GUSB: variants seen among roughly 807,000 people sequenced by gnomAD.
GUSB encodes glucuronidase beta, also known as beta-glucuronidase.
GUSB carries 51 observed loss-of-function variants against 74.6 expected under a neutral mutation model. The ratio of observed to expected loss-of-function variants is 0.68; its 90% confidence interval spans 0.55 to 0.86. GUSB has a LOEUF of 0.86. GUSB is among the 40% of genes least tolerant of loss of function. GUSB has a pLI of 0.00. For synonymous variants in GUSB, 360 were observed against 348.3 expected, an observed-to-expected ratio of 1.03 and a Z score of -0.37; for missense variants, 736 against 853.7, an observed-to-expected ratio of 0.86 and a Z score of 1.72.
chr7:65,967,493 G>A (rs547352570), intron 10 of GUSB, among the ~76,000 whole-genome samples: 107 of 152,254 alleles, frequency 7.0e-4, no homozygotes, highest in African/African-American at 2.5e-3. Flanking sequence ...AGACCACTTG[G>A]GCACGGGTGA....
In GUSB at chr7:65,979,874, C is replaced by G. The variant is rs920626481; in HGVS notation, c.434G>C (p.Gly145Ala). The G allele has an allele frequency of 1.9e-6, 3 of 1,611,530 alleles. No homozygotes were observed. Among genetic ancestry groups the G allele is most frequent in the Non-Finnish European group, 1.7e-6 (2 of 1,179,404 alleles). ...GATGTCGGCCTCGAAGGGGAGGTAGCCCCCCTCATGCTCTAGCGTGTCGAC... is the reference window on the plus strand; with the variant it reads ...GATGTCGGCCTCGAAGGGGAGGTAGGCCCCCTCATGCTCTAGCGTGTCGAC... ...NGVDTLEHEGGYLPFEADISN... is the reference protein window; with the variant it reads ...NGVDTLEHEGAYLPFEADISN... The change falls in exon 3 of 12, where the codon GGC (glycine) becomes GCC (alanine). Residue 145 changes from glycine (G) to alanine (A), a missense_variant. Around this residue, in one of 2 missense-constraint regions of GUSB, gnomAD observed 368 missense variants for 363.8 expected, o/e 1.01. Transcript: ENST00000304895.
At chr7:65,968,120 C>T (rs568281809) in intron 9 of GUSB, among the ~76,000 whole-genome samples, 3 of 150,394 alleles carry the variant, frequency 2.0e-5, no homozygotes, top group South Asian at 2.1e-4. Context: ...TAGCAGGGCA[C>T]GGTGGCTCAT....
chr7:65,979,382 C>T lies in GUSB; in HGVS notation c.724+17G>A. The stretch of plus-strand genomic sequence containing the variant: ...CACCCTGGGCCCCGCTGAGAGGATC[C>T]TACCAGAAGCCCTCACCACTGTCTT... On this transcript the variant is annotated intron_variant, in intron 4 of 11. Transcript: ENST00000304895. The T allele has an allele frequency of 6.2e-7, 1 of 1,609,540 alleles. No individual in the cohort carries two copies.
intron 4 of GUSB, among the ~76,000 whole-genome samples, chr7:65,977,624 A>G (rs1791668881): frequency 6.6e-6 from 1 of 151,696 alleles, no homozygotes; most frequent in Non-Finnish European, 1.5e-5. Context: ...TTTGCAGCTA[A>G]AGCGATCCAT....
intron 10 of GUSB, 93 bp downstream of exon 10, chr7:65,967,638 G>T: frequency 9.6e-7 from 1 of 1,045,728 alleles, no homozygotes; most frequent in South Asian, 1.3e-5. Flanking sequence ...TGAAGCGAGG[G>T]GAGCAGTGCA....
chr7:65,981,525 C>A (rs1433059972), intron 1 of GUSB, among the ~76,000 whole-genome samples: 1 of 151,368 alleles, frequency 6.6e-6, no homozygotes, highest in Non-Finnish European at 1.5e-5. Flanking sequence ...GTGTGAGCCA[C>A]CGAGCCCAGA....
intron 10 of GUSB, among the ~76,000 whole-genome samples, chr7:65,965,987 A>G (rs1268909307): frequency 6.6e-6 from 1 of 151,994 alleles, no homozygotes; most frequent in Admixed American, 6.5e-5. Context: ...CCTGACCAAC[A>G]TGGTGAAACC....
chr7:65,973,254 C>A (rs1030078991), intron 8 of GUSB, among the ~76,000 whole-genome samples: 3 of 152,100 alleles, frequency 2.0e-5, no homozygotes, highest in Admixed American at 1.3e-4. Context: ...TAGTCCAAGA[C>A]CAGCCTGGCC....
chr7:65,962,743 A>G (rs896460409), intron 11 of GUSB, among the ~76,000 whole-genome samples: 1 of 151,714 alleles, frequency 6.6e-6, no homozygotes, highest in South Asian at 2.1e-4. Flanking sequence ...GTGGTGGCGC[A>G]TGCCTGCAAT....
chr7:65,963,528 A>G (rs1790637032), intron 11 of GUSB, among the ~76,000 whole-genome samples: 1 of 152,172 alleles, frequency 6.6e-6, no homozygotes, highest in African/African-American at 2.4e-5. Context: ...AAGACACCGC[A>G]GATGTTATTC....
Position 65,980,487 on chromosome 7 carries a change from C to A in GUSB, c.211-78G>T, listed in dbSNP as rs539734543. ...CCAGTGTGCTGCACGGCTGTGCCCC[C>A]AGGCCTAGCACAAGCCCTGACACAT... On this transcript the variant is annotated intron_variant, in intron 1 of 11. Coordinates refer to ENST00000304895, the MANE Select transcript of GUSB (RefSeq NM_000181.4). 39 of 1,303,878 alleles carry A rather than the reference C, an allele frequency of 3.0e-5. No individual in the cohort carries two copies. In the East Asian group the frequency reaches 8.9e-4, roughly 30 times the overall value. 80.8% of individuals were successfully genotyped at this position (1,303,878 alleles called of 1,614,324 possible).
rs1356190394 is a variant in GUSB at position 65,961,025 on chromosome 7, T to G, written c.1828A>C (p.Thr610Pro). 1.2e-6 allele frequency: 2 copies of G among 1,611,822 alleles called. No homozygotes were observed. Among genetic ancestry groups the G allele is most frequent in the Non-Finnish European group, 1.7e-6 (2 of 1,179,698 alleles). ...GCACTTTTTGGTTGTCTCTGCCGAG[T>G]GAAGATCCCCTTTTTATTCCCCAGC... The part of the protein sequence containing the change: ...RVLGNKKGIF[T>P]RQRQPKSAAF... The change falls in exon 12 of 12, where the codon ACT becomes CCT. Residue 610 changes from threonine (T) to proline (P), a missense_variant. Around this residue, in one of 2 missense-constraint regions of GUSB, gnomAD observed 368 missense variants for 489.9 expected, o/e 0.75. Coordinates refer to ENST00000304895, the MANE Select transcript of GUSB (RefSeq NM_000181.4).
rs1455940016 is a variant in GUSB, at chr7:65,974,323, G to A, written c.1363C>T (p.His455Tyr). ...AAGTAGTAGCCAGCAGATTCTAGGT[G>A]GGACGCAGGCTCGTTGGCCACAGAC... is the stretch of plus-strand genomic sequence containing the variant. ...MWSVANEPAS[H>Y]LESAGYYLKM... The change falls in exon 8 of 12, where the codon CAC becomes TAC. Residue 455 changes from histidine to tyrosine, a missense_variant. Physicochemically the swap from His to Tyr is moderately conservative, Grantham distance 83 (BLOSUM62 2). Around this residue, in one of 2 missense-constraint regions of GUSB, gnomAD observed 368 missense variants for 489.9 expected, o/e 0.75. Coordinates refer to ENST00000304895, the MANE Select transcript of GUSB (RefSeq NM_000181.4). 3.1e-6 allele frequency: 5 copies of A among 1,614,088 alleles called. No homozygotes were observed. In the South Asian group the frequency reaches 4.4e-5, roughly 14 times the overall value.
chr7:65,968,875 C>T (rs556482350), intron 9 of GUSB, among the ~76,000 whole-genome samples: 2 of 152,264 alleles, frequency 1.3e-5, no homozygotes, highest in East Asian at 3.9e-4. Context: ...GTGTAAGCCA[C>T]CATGCCCGGC....
At chr7:65,964,018 C>T (rs1471858838) in intron 11 of GUSB, 6 of 420,034 alleles carry the variant, frequency 1.4e-5, no homozygotes, top group Non-Finnish European at 1.8e-5. Flanking sequence ...GATGAGGTCC[C>T]GTTTTTCGTT....
At chr7:65,961,148 C>T in intron 11 of GUSB, 85 bp from the exon 12 acceptor site, 6 of 1,306,854 alleles carry the variant, frequency 4.6e-6, no homozygotes, top group Middle Eastern at 1.9e-4. Context: ...AAGGTAGGCA[C>T]TAAATAGAAA....
chr7:65,979,241 T>A (rs1185382907), intron 4 of GUSB, 158 bp downstream of exon 4: 7 of 822,788 alleles, frequency 8.5e-6, no homozygotes, highest in Admixed American at 3.7e-5. Flanking sequence ...GGAGCCCGTA[T>A]CCGCTCACAC....
intron 4 of GUSB, among the ~76,000 whole-genome samples, chr7:65,977,944 G>A (rs530363657): frequency 6.6e-6 from 1 of 152,004 alleles, no homozygotes; most frequent in South Asian, 2.1e-4. Flanking sequence ...CCGAGTCGCT[G>A]GGACTACAGG....
Position 65,974,995 on chromosome 7 carries a change from G to A in GUSB, c.989C>T (p.Ala330Val). 1 of 1,613,126 alleles carries A rather than the reference G, an allele frequency of 6.2e-7. No individual in the cohort carries two copies. Among genetic ancestry groups the A allele is most frequent in the Non-Finnish European group, 8.5e-7 (1 of 1,179,090 alleles). Residue 330 changes from alanine (A) to valine (V), a missense_variant, in exon 6 of 12, where the codon GCT becomes GTT. Physicochemically the swap from Ala to Val is moderately conservative, Grantham distance 64. Around this residue, in one of 2 missense-constraint regions of GUSB, gnomAD observed 368 missense variants for 489.9 expected, o/e 0.75. Coordinates refer to ENST00000304895, the MANE Select transcript of GUSB (RefSeq NM_000181.4). ...YTLPVGIRTV[A>V]VTKSQFLING... ...GATGAGGAACTGGCTCTTGGTGACAGCCACAGTGCGGATCCCCACAGGGAG... is the reference window on the plus strand; with the variant it reads ...GATGAGGAACTGGCTCTTGGTGACAACCACAGTGCGGATCCCCACAGGGAG...
Sources: allele counts gnomAD v4.1 joint callset (sites outside exome capture counted in the v4.1 genomes callset), GRCh38; gene constraint gnomAD v4.1.1; regional missense constraint gnomAD v4.1.1; transcripts MANE v1.5; gene names NCBI Gene and HGNC (gene_info 2026-07-23, HGNC 2026-07-21).